ILRUN: variants seen among roughly 807,000 people sequenced by gnomAD.
ILRUN encodes the protein protein ILRUN.
A neutral mutation model predicts 33.8 loss-of-function variants in ILRUN; 3 were observed. That is an observed-to-expected ratio of 0.09 (90% CI 0.04 to 0.23). The LOEUF is 0.23. Ranked by LOEUF, ILRUN falls within the 10% of genes least tolerant of loss-of-function variation. The probability of loss-of-function intolerance (pLI) is 1.00; values close to 1 mark genes in which losing one functional copy is unlikely to be tolerated. For synonymous variants in ILRUN, 124 were observed against 138.9 expected (o/e 0.89, Z 0.75); for missense variants, 210 against 375.1 (o/e 0.56, Z 3.64).
intron 2 of ILRUN, among the ~76,000 whole-genome samples, chr6:34,647,462 A>C (rs1762581467): frequency 6.6e-6 from 1 of 152,198 alleles, no homozygotes; most frequent in Admixed American, 6.5e-5. Flanking sequence ...CTGTGGTCGC[A>C]GGAACAATGG....
intron 4 of ILRUN, among the ~76,000 whole-genome samples, 154 bp from the exon 5 acceptor site, chr6:34,590,754 G>T (rs939157154): frequency 5.9e-5 from 9 of 152,150 alleles, no homozygotes; most frequent in Admixed American, 5.9e-4. Flanking sequence ...ACCTCGGCAG[G>T]CCAAAGATCA....
intron 1 of ILRUN, among the ~76,000 whole-genome samples, chr6:34,657,348 C>T (rs1762791694): frequency 6.6e-6 from 1 of 152,160 alleles, no homozygotes. Context: ...GCTCTGCCAT[C>T]AGGATAGGAC....
chr6:34,677,152 C>T (rs572586000), intron 1 of ILRUN, among the ~76,000 whole-genome samples: 13 of 152,090 alleles, frequency 8.5e-5, no homozygotes, highest in African/African-American at 3.1e-4. Context: ...ACTAAAAATA[C>T]AAAAATTAGC....
chr6:34,637,371 C>T (rs1762384952), intron 3 of ILRUN, among the ~76,000 whole-genome samples: 1 of 152,064 alleles, frequency 6.6e-6, no homozygotes, highest in Non-Finnish European at 1.5e-5. Context: ...TATTTTAGTA[C>T]AGAATTGTAC....
intron 1 of ILRUN, among the ~76,000 whole-genome samples, chr6:34,656,358 C>A (rs1011593489): frequency 6.6e-6 from 1 of 152,032 alleles, no homozygotes; most frequent in Non-Finnish European, 1.5e-5. Context: ...TACGAAGCAC[C>A]TAAGCCAGAG....
intron 3 of ILRUN, among the ~76,000 whole-genome samples, chr6:34,636,887 C>A (rs1416621243): frequency 1.3e-5 from 2 of 152,160 alleles, no homozygotes; most frequent in East Asian, 3.8e-4. Context: ...GTGAAACCTT[C>A]TTAAGAATTT....
intron 3 of ILRUN, among the ~76,000 whole-genome samples, chr6:34,639,398 A>G (rs1166260178): frequency 1.3e-5 from 2 of 152,212 alleles, no homozygotes; most frequent in Non-Finnish European, 2.9e-5. Flanking sequence ...GGAAACCGTC[A>G]TGGTACAGGG....
intron 1 of ILRUN, among the ~76,000 whole-genome samples, chr6:34,667,025 G>T (rs1763020066): frequency 6.6e-6 from 1 of 151,628 alleles, no homozygotes; most frequent in African/African-American, 2.4e-5. Flanking sequence ...AAATCATAAA[G>T]CCACTCGAAT....
chr6:34,668,448 CCA>C (rs1232427855), intron 1 of ILRUN, among the ~76,000 whole-genome samples: 1 of 152,104 alleles, frequency 6.6e-6, no homozygotes, highest in African/African-American at 2.4e-5. Flanking sequence ...AACATTCAGC[CCA>C]CAGTGATGTT....
At chr6:34,595,933 G>T in intron 4 of ILRUN, 1 of 985,136 alleles carries the variant, frequency 1.0e-6, no homozygotes, top group African/African-American at 1.7e-5. Flanking sequence ...TGCTCCTTTT[G>T]TATCACTTAT....
At position 34,589,480 on chromosome 6, in the gene ILRUN, G is replaced by C. The variant is rs888194700; in HGVS notation, c.*1085C>G. On this transcript the variant is annotated 3_prime_UTR_variant, in exon 5 of 5. Coordinates refer to ENST00000374023, the MANE Select transcript of ILRUN (RefSeq NM_024294.4). ...CTCTACAGATCAGCCGCCACTAACA[G>C]GCTGTGAAAATATCAGAGGACAACT... 1 of 152,286 alleles carries C rather than the reference G, an allele frequency of 6.6e-6. No individual in the cohort carries two copies. Among genetic ancestry groups the C allele is most frequent in the African/African-American group, 2.4e-5 (1 of 41,480 alleles). 9.4% of individuals were successfully genotyped at this position (152,286 alleles called of 1,614,324 possible).
intron 4 of ILRUN, among the ~76,000 whole-genome samples, chr6:34,599,576 C>A (rs1761467698): frequency 6.6e-6 from 1 of 152,114 alleles, no homozygotes; most frequent in Non-Finnish European, 1.5e-5. Context: ...CTTAACTGGC[C>A]CAAAATGTCA....
intron 3 of ILRUN, among the ~76,000 whole-genome samples, chr6:34,644,907 G>A (rs1762537560): frequency 6.6e-6 from 1 of 152,122 alleles, no homozygotes; most frequent in Non-Finnish European, 1.5e-5. Context: ...CATCTTTGGG[G>A]ACTGACTGTG....
At chr6:34,645,812 C>T (rs190672080) in intron 3 of ILRUN, among the ~76,000 whole-genome samples, 6 of 152,228 alleles carry the variant, frequency 3.9e-5, no homozygotes, top group Admixed American at 6.5e-5. Flanking sequence ...CAGCTGAAGC[C>T]GCATGGGTGA....
chr6:34,657,904 G>C (rs1262724513), intron 1 of ILRUN, among the ~76,000 whole-genome samples: 1 of 152,202 alleles, frequency 6.6e-6, no homozygotes, highest in African/African-American at 2.4e-5. Flanking sequence ...GGAAAACATT[G>C]ACCCAGCATT....
rs184074377 is a variant in ILRUN, at chr6:34,652,845, C to T, written c.313+1780G>A. ...CAAGAAATACAAAACCCAACCCCTG[C>T]TCCCAAAACTCATTAGAAAATAATT... is the stretch of plus-strand genomic sequence containing the variant. On this transcript the variant is annotated intron_variant, in intron 2 of 4. Coordinates refer to ENST00000374023, the MANE Select transcript of ILRUN (RefSeq NM_024294.4). Among the ~76,000 whole-genome samples the T allele has an allele frequency of 1.5e-3, 222 of 152,220 alleles. 1 individual carries two copies. The highest frequency in any genetic ancestry group is 5.0e-3 in the African/African-American group (208 of 41,538).
chr6:34,695,281 C>G (rs566855618), intron 1 of ILRUN, among the ~76,000 whole-genome samples: 3 of 152,168 alleles, frequency 2.0e-5, no homozygotes, highest in Non-Finnish European at 4.4e-5. Flanking sequence ...TGTCAGGAGA[C>G]TGAATGCCCA....
At chr6:34,685,530 C>G (rs1381419182) in intron 1 of ILRUN, 2 of 152,026 alleles carry the variant, frequency 1.3e-5, no homozygotes, top group Admixed American at 6.6e-5. Context: ...GAACTTAGTA[C>G]AGACACCCAA....
In ILRUN at chr6:34,646,180, A is replaced by G. The variant is rs1762560436; in HGVS notation, c.511+421T>C. On this transcript the variant is annotated intron_variant, in intron 3 of 4. Coordinates refer to ENST00000374023, the MANE Select transcript of ILRUN (RefSeq NM_024294.4). The surrounding 1 kb of genome is among the most constrained non-coding windows in gnomAD (Gnocchi z 4.9). ...ATCACTGCTCAAAACGTTTGGCAATAAAGAGAAGGGAGTGAGATATGTTAG... is the reference window on the plus strand; with the variant it reads ...ATCACTGCTCAAAACGTTTGGCAATGAAGAGAAGGGAGTGAGATATGTTAG... 6.6e-6 allele frequency among the ~76,000 whole-genome samples: 1 copy of G among 152,238 alleles called. No individual in the cohort carries two copies. Among genetic ancestry groups the G allele is most frequent in the Admixed American group, 6.5e-5 (1 of 15,288 alleles).
Sources: gnomAD v4.1 joint callset for allele counts (sites outside exome capture counted in the v4.1 genomes callset) on GRCh38, gnomAD v4.1.1 for gene constraint, Gnocchi (gnomAD v3.1) non-coding constraint, MANE v1.5 for transcripts, NCBI Gene and HGNC (gene_info 2026-07-23, HGNC 2026-07-21) for gene names.